The following NRG3 variants were observed in gnomAD, a reference collection of about 807,000 sequenced individuals.
NRG3 encodes neuregulin 3.
Under a neutral mutation model 66.9 loss-of-function variants are expected in NRG3, and 31 were observed. The observed-to-expected ratio is 0.46, with a 90% CI of 0.35 to 0.63. The LOEUF is 0.63. NRG3 is among the 20% of genes least tolerant of loss of function. The pLI, the probability that NRG3 is intolerant of heterozygous loss-of-function variation, is 0.00. For missense variants in NRG3, 910 were observed against 878.9 expected (o/e 1.04, Z -0.45); for synonymous variants, 393 against 359.4 (o/e 1.09, Z -1.06).
At chr10:82,203,933 T>C (rs2074981335) in intron 1 of NRG3, among the ~76,000 whole-genome samples, 1 of 152,220 alleles carries the variant, frequency 6.6e-6, no homozygotes, top group Non-Finnish European at 1.5e-5. Flanking sequence ...TGACTTTTCA[T>C]TATGACTTTT....
At chr10:82,957,508 C>T (rs905121456) in intron 5 of NRG3, among the ~76,000 whole-genome samples, 2 of 151,830 alleles carry the variant, frequency 1.3e-5, no homozygotes, top group Non-Finnish European at 2.9e-5. Flanking sequence ...TGTTAAAAAC[C>T]CTGACAAATA....
intron 2 of NRG3, among the ~76,000 whole-genome samples, chr10:82,546,855 C>A (rs78219978): frequency 6.6e-6 from 1 of 152,078 alleles, no homozygotes; most frequent in African/African-American, 2.4e-5. Context: ...TTTCATGGAT[C>A]TCTCATAGTA....
chr10:81,980,254 G>A (rs761252142), intron 1 of NRG3, among the ~76,000 whole-genome samples: 28 of 151,410 alleles, frequency 1.8e-4, no homozygotes, highest in Non-Finnish European at 3.4e-4. Flanking sequence ...GACTGGAATT[G>A]GAACACTTGG....
intron 1 of NRG3, among the ~76,000 whole-genome samples, chr10:82,192,084 C>T (rs932166406): frequency 7.9e-5 from 12 of 152,138 alleles, no homozygotes; most frequent in Non-Finnish European, 1.6e-4. Context: ...AACTTCCGTA[C>T]TTCCTAAGGA....
chr10:82,045,305 C>A lies in NRG3; in HGVS notation c.823+169142C>A, dbSNP rs1464044006. On this transcript the variant is annotated intron_variant, in intron 1 of 8. Coordinates refer to ENST00000372141, the MANE Select transcript of NRG3 (RefSeq NM_001010848.4). ...ATCACTGTGGTTTTGATTTGCATTT[C>A]TCTGATGGCCAGTGATGATGAGCAT... Among the ~76,000 whole-genome samples the A allele has an allele frequency of 4.2e-4, 20 of 47,204 alleles. 3 individuals are homozygous for A. Among genetic ancestry groups the A allele is most frequent in the African/African-American group, 8.5e-4 (20 of 23,588 alleles). 31.0% of individuals were successfully genotyped at this position (47,204 alleles called of 152,430 possible). A position where few individuals can be genotyped will look rare whatever the true frequency, so the allele number is the denominator to read the frequency against.
At chr10:82,370,645 A>G (rs1247032852) in intron 2 of NRG3, among the ~76,000 whole-genome samples, 1 of 152,152 alleles carries the variant, frequency 6.6e-6, no homozygotes, top group Non-Finnish European at 1.5e-5. Flanking sequence ...AAGGTAGAAG[A>G]GAGCGCCCTA....
intron 1 of NRG3, among the ~76,000 whole-genome samples, chr10:82,184,335 T>C (rs2073651981): frequency 6.6e-6 from 1 of 152,114 alleles, no homozygotes; most frequent in Admixed American, 6.6e-5. Flanking sequence ...TCCTTCCATC[T>C]ACTTACATTC....
chr10:82,481,813 CA>C (rs145942884), intron 2 of NRG3, among the ~76,000 whole-genome samples: 1,568 of 152,144 alleles, frequency 0.01, 3 homozygotes, highest in Admixed American at 0.017. Context: ...GGTAAAAACG[CA>C]TCTCTACTAA....
chr10:82,607,198 A>C (rs1053967993), intron 2 of NRG3, among the ~76,000 whole-genome samples: 1 of 152,246 alleles, frequency 6.6e-6, no homozygotes, highest in Admixed American at 6.5e-5. Flanking sequence ...ATCTTCAACT[A>C]TAATAGTGGA....
At chr10:82,053,103 C>T (rs2063676558) in intron 1 of NRG3, among the ~76,000 whole-genome samples, 1 of 151,760 alleles carries the variant, frequency 6.6e-6, no homozygotes, top group South Asian at 2.1e-4. Context: ...ATTTTCTTTG[C>T]TCCCATGTAT....
At chr10:82,292,387 A>C (rs2079799130) in intron 1 of NRG3, among the ~76,000 whole-genome samples, 1 of 152,186 alleles carries the variant, frequency 6.6e-6, no homozygotes, top group Non-Finnish European at 1.5e-5. Context: ...GCTGGTGGAA[A>C]TATATTTGGT....
At chr10:82,117,585 GT>G in intron 1 of NRG3, among the ~76,000 whole-genome samples, 1 of 152,046 alleles carries the variant, frequency 6.6e-6, no homozygotes, top group East Asian at 1.9e-4. Context: ...CTGAGACATA[GT>G]TTTTTTCTGC....
intron 1 of NRG3, among the ~76,000 whole-genome samples, chr10:82,218,811 A>T (rs1554852327): frequency 6.6e-6 from 1 of 152,070 alleles, no homozygotes; most frequent in Non-Finnish European, 1.5e-5. Flanking sequence ...GTTTCCTGAG[A>T]TTTCACCTTA....
chr10:82,205,880 C>T (rs2075093621), intron 1 of NRG3, among the ~76,000 whole-genome samples: 1 of 152,188 alleles, frequency 6.6e-6, no homozygotes. Flanking sequence ...GTTAGGATCA[C>T]ATTTCATTTA....
intron 3 of NRG3, among the ~76,000 whole-genome samples, chr10:82,817,064 A>G (rs1437659868): frequency 1.3e-5 from 2 of 152,214 alleles, no homozygotes; most frequent in Non-Finnish European, 2.9e-5. Flanking sequence ...TAAATTCTAA[A>G]TGATCTTGCC....
At chr10:82,771,100 C>T (rs2059697056) in intron 3 of NRG3, among the ~76,000 whole-genome samples, 2 of 152,042 alleles carry the variant, frequency 1.3e-5, no homozygotes, top group Admixed American at 1.3e-4. Context: ...GTACAACCAG[C>T]TAGGGTGAGT....
chr10:82,777,812 A>G (rs1375576509), intron 3 of NRG3, among the ~76,000 whole-genome samples: 1 of 152,192 alleles, frequency 6.6e-6, no homozygotes, highest in African/African-American at 2.4e-5. Flanking sequence ...AAGCCCTGCA[A>G]GGTTGGCTGC....
chr10:82,684,686 G>A (rs1170191176), intron 2 of NRG3, among the ~76,000 whole-genome samples: 5 of 152,092 alleles, frequency 3.3e-5, no homozygotes, highest in African/African-American at 1.2e-4. Context: ...AGTAATTAAT[G>A]GAGTACAACA....
rs138445258 is a variant in NRG3, at chr10:82,117,132, T to C, written c.823+240969T>C. 2.1e-3 allele frequency among the ~76,000 whole-genome samples: 317 copies of C among 152,260 alleles called. 1 individual carries two copies. The highest frequency in any genetic ancestry group is 7.1e-3 in the African/African-American group (296 of 41,560). On this transcript the variant is annotated intron_variant, in intron 1 of 8. Transcript: ENST00000372141. Reference sequence around the variant, plus strand: ...TGCTTTATCTGTCATAGGTCATATTTAAGGATAATTTCCTCTGGGGAACTT... The same window carrying C: ...TGCTTTATCTGTCATAGGTCATATTCAAGGATAATTTCCTCTGGGGAACTT...
Sources: allele counts gnomAD v4.1 joint callset (sites outside exome capture counted in the v4.1 genomes callset), GRCh38; gene constraint gnomAD v4.1.1; transcripts MANE v1.5; gene names NCBI Gene and HGNC (gene_info 2026-07-23, HGNC 2026-07-21).